UNC13C: variants seen among roughly 807,000 people sequenced by gnomAD.
UNC13C encodes unc-13 homolog C, also known as protein unc-13 homolog C.
A neutral mutation model predicts 245.4 loss-of-function variants in UNC13C; 174 were observed. The ratio of observed to expected loss-of-function variants is 0.71; its 90% CI spans 0.63 to 0.80. UNC13C has a LOEUF of 0.80. UNC13C is among the 30% of genes least tolerant of loss of function. The probability of loss-of-function intolerance (pLI) is 0.00; values close to 1 mark genes in which losing one functional copy is unlikely to be tolerated. For missense variants in UNC13C, 2,829 were observed against 2,602.9 expected (o/e 1.09, Z -1.89); for synonymous variants, 992 against 895.1 (o/e 1.11, Z -1.93).
the UNC13C span, among the ~76,000 whole-genome samples, chr15:53,920,000 A>G: frequency 7.2e-5 from 11 of 152,068 alleles, no homozygotes; most frequent in African/African-American, 2.7e-4. Flanking sequence ...AGATTAATGT[A>G]TGCTTTGTAT....
Position 54,186,836 on chromosome 15 carries a change from A to AATATATATATAT in UNC13C, c.3071+43160_3071+43161insATATATATATAT, listed in dbSNP as rs372623344. On this transcript the variant is annotated intron_variant, in intron 4 of 32. Transcript: ENST00000260323. ...GTCCACTGACACATACAAAGAACAT[A>AATATATATATAT]ATATATATGTATATATATATTTTGT... Among the ~76,000 whole-genome samples the AATATATATATAT allele has an allele frequency of 2.2e-4, 28 of 126,182 alleles. 4 individuals carry two copies. Among genetic ancestry groups the AATATATATATAT allele is most frequent in the East Asian group, 4.6e-4 (2 of 4,390 alleles). 82.8% of individuals were successfully genotyped at this position (126,182 alleles called of 152,430 possible).
intron 18 of UNC13C, among the ~76,000 whole-genome samples, chr15:54,402,264 C>T (rs554256729): frequency 6.6e-6 from 1 of 152,136 alleles, no homozygotes; most frequent in South Asian, 2.1e-4. Flanking sequence ...AAAACTGTTA[C>T]TCATATATAT....
chr15:54,325,665 CT>C (rs550362827), intron 14 of UNC13C, among the ~76,000 whole-genome samples: 176 of 151,862 alleles, frequency 1.2e-3, no homozygotes, highest in African/African-American at 4.0e-3. Flanking sequence ...GTGGTGTTTG[CT>C]TTTCTGTTCT....
At chr15:54,152,024 C>T (rs549323682) in intron 4 of UNC13C, among the ~76,000 whole-genome samples, 142 of 152,316 alleles carry the variant, frequency 9.3e-4, no homozygotes, top group African/African-American at 3.3e-3. Context: ...TTCCAAAGGA[C>T]TAGCATTTGG....
chr15:54,081,757 T>C (rs971970950), intron 2 of UNC13C, among the ~76,000 whole-genome samples: 14 of 152,138 alleles, frequency 9.2e-5, no homozygotes, highest in African/African-American at 3.1e-4. Context: ...CCACTCTATG[T>C]CTTTTAAATA....
intron 10 of UNC13C, among the ~76,000 whole-genome samples, chr15:54,277,456 T>C (rs578080545): frequency 6.6e-6 from 1 of 152,296 alleles, no homozygotes; most frequent in Admixed American, 6.5e-5. Context: ...AAGAACAAGA[T>C]GGAAACCTAC....
rs976999543 is a variant in UNC13C at position 54,393,321 on chromosome 15, A to G, written c.4847+140A>G. 18 of 724,170 alleles carry G rather than the reference A, an allele frequency of 2.5e-5. No homozygotes were observed. In the South Asian group the frequency reaches 7.7e-4, roughly 31 times the overall value. 44.9% of individuals were successfully genotyped at this position (724,170 alleles called of 1,614,324 possible). A position where few individuals can be genotyped will look rare whatever the true frequency, so the allele number is the denominator to read the frequency against. ...TAGAAAATAGTATTTTTCAACTTTT[A>G]TCAGTAAATATCAATTAAATGATAT... On this transcript the variant is annotated intron_variant, in intron 18 of 32. Transcript: ENST00000260323.
At chr15:54,071,019 GATA>G (rs1253108142) in intron 2 of UNC13C, among the ~76,000 whole-genome samples, 4 of 152,104 alleles carry the variant, frequency 2.6e-5, no homozygotes, top group African/African-American at 9.7e-5. Context: ...ACTTTATAAA[GATA>G]ATACTATTCC....
the UNC13C span, among the ~76,000 whole-genome samples, chr15:53,918,873 G>A: frequency 5.3e-5 from 8 of 152,284 alleles, no homozygotes; most frequent in African/African-American, 1.7e-4. Context: ...GAGCTTCAAA[G>A]TACTTTTGAA....
downstream of UNC13C, chr15:54,629,884 G>A (rs1029562076): frequency 6.6e-6 from 1 of 152,110 alleles, no homozygotes; most frequent in Non-Finnish European, 1.5e-5. Flanking sequence ...GGTGAATTAA[G>A]TCTATTTATG....
At chr15:54,057,030 G>T (rs12324274) in intron 2 of UNC13C, among the ~76,000 whole-genome samples, 34,383 of 151,786 alleles carry the variant, frequency 0.23, 5,127 homozygotes, top group African/African-American at 0.43. Context: ...AGACCATCAA[G>T]GCTAGGAAGA....
rs1253929795 is a variant in UNC13C, at chr15:54,627,925, G to GTAAC, written c.*815_*818dup. 6.6e-6 allele frequency: 1 copy of GTAAC among 152,522 alleles called. No individual in the cohort carries two copies. Among genetic ancestry groups the GTAAC allele is most frequent in the Admixed American group, 6.6e-5 (1 of 15,254 alleles). 9.4% of individuals were successfully genotyped at this position (152,522 alleles called of 1,614,324 possible). The stretch of plus-strand genomic sequence containing the variant: ...GAAAGTTTACTGAAAATACCTGTAA[G>GTAAC]TAACTATATTGTTAATATCTTCCCT... On this transcript the variant is annotated 3_prime_UTR_variant, in exon 33 of 33. Coordinates refer to ENST00000260323, the MANE Select transcript of UNC13C (RefSeq NM_001080534.3).
intron 2 of UNC13C, among the ~76,000 whole-genome samples, chr15:54,042,175 C>A (rs996683387): frequency 3.3e-5 from 5 of 152,132 alleles, no homozygotes; most frequent in African/African-American, 1.2e-4. Flanking sequence ...GAATACTCAA[C>A]CTCTATAAAA....
intron 8 of UNC13C, among the ~76,000 whole-genome samples, chr15:54,263,527 T>C (rs1567143987): frequency 1.3e-5 from 2 of 152,020 alleles, no homozygotes; most frequent in Non-Finnish European, 2.9e-5. Context: ...GTCCCAGAAA[T>C]AAAAAAAGTT....
intron 4 of UNC13C, among the ~76,000 whole-genome samples, chr15:54,213,807 G>A (rs1377998462): frequency 1.3e-5 from 2 of 152,006 alleles, no homozygotes; most frequent in African/African-American, 2.4e-5. Context: ...GATTGGGGAA[G>A]ACATTTTGCA....
chr15:54,438,458 T>C lies in UNC13C; in HGVS notation c.4933+23391T>C, dbSNP rs528941345. ...TGTAAGCAAGCACATTTTTAAAATG[T>C]AGATTTAAACGGGGTTGACCACTCT... On this transcript the variant is annotated intron_variant, in intron 19 of 32. Transcript: ENST00000260323. Among the ~76,000 whole-genome samples the C allele has an allele frequency of 1.8e-4, 28 of 152,118 alleles. No individual in the cohort carries two copies. The East Asian group carries it at 3.5e-3, about 19-fold the overall frequency.
chr15:54,501,697 A>T (rs1413835517), intron 22 of UNC13C, among the ~76,000 whole-genome samples: 1 of 152,188 alleles, frequency 6.6e-6, no homozygotes, highest in African/African-American at 2.4e-5. Flanking sequence ...GCTTAGTGAG[A>T]TCAACCGTAA....
At chr15:54,308,815 C>G (rs552490496) in intron 13 of UNC13C, among the ~76,000 whole-genome samples, 1 of 151,690 alleles carries the variant, frequency 6.6e-6, no homozygotes, top group East Asian at 1.9e-4. Flanking sequence ...CCATGTTCAT[C>G]CATGTTGTTG....
chr15:54,070,864 A>C (rs13329558), intron 2 of UNC13C, among the ~76,000 whole-genome samples: 5,426 of 152,262 alleles, frequency 0.036, 326 homozygotes, highest in African/African-American at 0.12. Flanking sequence ...GATTTGACCC[A>C]AAAATTTCAA....
Sources: allele counts gnomAD v4.1 joint callset (sites outside exome capture counted in the v4.1 genomes callset), GRCh38; gene constraint gnomAD v4.1.1; transcripts MANE v1.5; gene names NCBI Gene and HGNC (gene_info 2026-07-23, HGNC 2026-07-21).